JARID2: variants seen among roughly 807,000 people sequenced by gnomAD.
JARID2 encodes the protein jumonji and AT-rich interaction domain containing 2.
A neutral mutation model predicts 125.6 loss-of-function variants in JARID2; 21 were observed. The observed-to-expected ratio is 0.17, with a 90% CI of 0.12 to 0.24. The LOEUF is 0.24. Among genes scored for constraint, JARID2 ranks in the 10% least tolerant of loss-of-function variants. The probability of loss-of-function intolerance (pLI) is 1.00; values close to 1 mark genes in which losing one functional copy is unlikely to be tolerated. For missense variants in JARID2, 1,303 were observed against 1,639.6 expected, an observed-to-expected ratio of 0.79 and a Z score of 3.55; for synonymous variants, 736 against 661.6, an observed-to-expected ratio of 1.11 and a Z score of -1.73.
At chr6:15,274,820 T>C (rs1239043610) in intron 1 of JARID2, among the ~76,000 whole-genome samples, 3 of 152,198 alleles carry the variant, frequency 2.0e-5, no homozygotes, top group Admixed American at 2.0e-4. Context: ...TTCCTTCTAG[T>C]CCTTGTGCAT....
At chr6:15,452,322 C>G (rs1488760455) in intron 4 of JARID2, 147 bp downstream of exon 4, 1 of 1,229,074 alleles carries the variant, frequency 8.1e-7, no homozygotes, top group Non-Finnish European at 1.1e-6. Flanking sequence ...GTGAGAAATC[C>G]CACCGAGAGA....
intron 3 of JARID2, among the ~76,000 whole-genome samples, chr6:15,412,048 A>G (rs1038077898): frequency 6.6e-6 from 1 of 152,240 alleles, no homozygotes; most frequent in Non-Finnish European, 1.5e-5. Context: ...GGTAGTAGAA[A>G]AGAGGAACTC....
intron 3 of JARID2, among the ~76,000 whole-genome samples, chr6:15,446,520 C>G (rs181804332): frequency 6.6e-6 from 1 of 152,340 alleles, no homozygotes; most frequent in East Asian, 1.9e-4. Flanking sequence ...AAAGAGTATT[C>G]CAGATGGAAG....
chr6:15,512,092 T>C, intron 13 of JARID2, 116 bp from the exon 14 acceptor site: 1 of 835,898 alleles, frequency 1.2e-6, no homozygotes, highest in Non-Finnish European at 1.9e-6. Flanking sequence ...ATTTTCCACA[T>C]AAAACAATCT....
intron 3 of JARID2, among the ~76,000 whole-genome samples, chr6:15,413,181 G>A (rs964960683): frequency 2.6e-5 from 4 of 151,740 alleles, no homozygotes; most frequent in Non-Finnish European, 5.9e-5. Context: ...CACTATGCCC[G>A]GCTAATTTTG....
chr6:15,251,760 TG>T (rs1252469613), intron 1 of JARID2, among the ~76,000 whole-genome samples: 1 of 107,944 alleles, frequency 9.3e-6, no homozygotes, highest in Non-Finnish European at 1.8e-5. Flanking sequence ...GGGCGGATCA[TG>T]AGGGTCAGGA....
At chr6:15,363,867 G>T (rs1265566872) in intron 1 of JARID2, among the ~76,000 whole-genome samples, 1 of 152,134 alleles carries the variant, frequency 6.6e-6, no homozygotes, top group African/African-American at 2.4e-5. Context: ...TAATTATTGG[G>T]AGGGCTGGAG....
At chr6:15,258,632 A>AT in intron 1 of JARID2, among the ~76,000 whole-genome samples, 1 of 152,272 alleles carries the variant, frequency 6.6e-6, no homozygotes, top group South Asian at 2.1e-4. Flanking sequence ...AAATACAAAA[A>AT]TTAGCCAGGT....
intron 15 of JARID2, 44 bp downstream of exon 15, chr6:15,513,089 G>C (rs762865270): frequency 1.2e-6 from 2 of 1,611,742 alleles, no homozygotes; most frequent in Non-Finnish European, 8.5e-7. Context: ...GGACCCGGCT[G>C]CCCTTCGGGG....
intron 1 of JARID2, among the ~76,000 whole-genome samples, chr6:15,348,912 C>A (rs1477915010): frequency 6.6e-6 from 1 of 152,166 alleles, no homozygotes; most frequent in Non-Finnish European, 1.5e-5. Flanking sequence ...ATACTTACTT[C>A]AGTAGCATAC....
chr6:15,339,904 C>G (rs989045595), intron 1 of JARID2, among the ~76,000 whole-genome samples: 4 of 152,116 alleles, frequency 2.6e-5, no homozygotes, highest in African/African-American at 9.7e-5. Flanking sequence ...GGAGAAAAAA[C>G]TCAGAGGACA....
rs1324252786 is a variant in JARID2 at position 15,275,533 on chromosome 6, G to GT, written c.45+28949_45+28950insT. On this transcript the variant is annotated intron_variant, in intron 1 of 17. Transcript: ENST00000341776. ...TTAAAGTCCATTTACCGCCCCCCCCGCCCCCCCCCCCGTCTTTTGCCTCTT... is the reference window on the plus strand; with the variant it reads ...TTAAAGTCCATTTACCGCCCCCCCCGTCCCCCCCCCCCGTCTTTTGCCTCTT... 7.5e-4 allele frequency among the ~76,000 whole-genome samples: 14 copies of GT among 18,708 alleles called. 1 individual carries two copies. The highest frequency in any genetic ancestry group is 1.1e-3 in the Non-Finnish European group (12 of 10,988). The allele number at this position is 18,708 out of a possible 152,430, so 12.3% of individuals were successfully genotyped here. A position where few individuals can be genotyped will look rare whatever the true frequency, so the allele number is the denominator to read the frequency against.
intron 2 of JARID2, among the ~76,000 whole-genome samples, chr6:15,407,956 T>G (rs1246719994): frequency 1.3e-5 from 2 of 152,214 alleles, no homozygotes; most frequent in African/African-American, 4.8e-5. Context: ...ATTCCCACCT[T>G]GTGCTATTGA....
chr6:15,352,402 C>T (rs1050922077), intron 1 of JARID2, among the ~76,000 whole-genome samples: 2 of 152,100 alleles, frequency 1.3e-5, no homozygotes, highest in Non-Finnish European at 2.9e-5. Flanking sequence ...GAGAGGAAGA[C>T]TATTCTTCCC....
intron 2 of JARID2, among the ~76,000 whole-genome samples, chr6:15,387,163 C>T (rs1476312733): frequency 6.6e-6 from 1 of 152,154 alleles, no homozygotes; most frequent in African/African-American, 2.4e-5. Context: ...TTTGCTAGTG[C>T]GGTGTCTTTA....
intron 5 of JARID2, among the ~76,000 whole-genome samples, chr6:15,471,633 C>G (rs1281112120): frequency 6.6e-6 from 1 of 152,134 alleles, no homozygotes; most frequent in Non-Finnish European, 1.5e-5. Flanking sequence ...CCTTTGTTTT[C>G]CAGAGTGTTT....
chr6:15,395,108 A>T (rs897107047), intron 2 of JARID2, among the ~76,000 whole-genome samples: 1 of 152,212 alleles, frequency 6.6e-6, no homozygotes, highest in East Asian at 1.9e-4. Flanking sequence ...GTTTGTTAGT[A>T]TTAATTTCTA....
chr6:15,447,560 C>T (rs1208536977), intron 3 of JARID2, among the ~76,000 whole-genome samples: 1 of 152,158 alleles, frequency 6.6e-6, no homozygotes, highest in East Asian at 1.9e-4. Flanking sequence ...ATGTTTTTAC[C>T]TCTTCAACCC....
intron 6 of JARID2, 113 bp from the exon 7 acceptor site, chr6:15,496,019 C>A: frequency 1.2e-6 from 1 of 820,752 alleles, no homozygotes; most frequent in Non-Finnish European, 2.0e-6. Context: ...CTACAGGCTG[C>A]TGGCTCTGTT....
Sources: allele counts gnomAD v4.1 joint callset (sites outside exome capture counted in the v4.1 genomes callset), GRCh38; gene constraint gnomAD v4.1.1; transcripts MANE v1.5; gene names NCBI Gene and HGNC (gene_info 2026-07-23, HGNC 2026-07-21).